Variants in PDE9A observed in about 807,000 individuals in gnomAD.
PDE9A encodes phosphodiesterase 9A.
In PDE9A, 60 loss-of-function variants were observed where a neutral mutation model predicts 87.4. That is an observed-to-expected ratio of 0.69 (90% CI 0.56 to 0.85). PDE9A has a LOEUF of 0.85. Ranked by LOEUF, PDE9A falls within the 40% of genes least tolerant of loss-of-function variation. PDE9A has a pLI of 0.00. For missense variants in PDE9A, 665 were observed against 779.0 expected (o/e 0.85, Z 1.74); for synonymous variants, 272 against 279.4 (o/e 0.97, Z 0.27).
chr21:42,747,293 G>T (rs1386636788), intron 8 of PDE9A, among the ~76,000 whole-genome samples: 1 of 151,490 alleles, frequency 6.6e-6, no homozygotes, highest in African/African-American at 2.4e-5. Context: ...GATGACTGGG[G>T]AGAGGAGCTG....
At position 42,694,101 on chromosome 21, in the gene PDE9A, C is replaced by T. The variant is rs1163045770; in HGVS notation, c.219-4867C>T. Among the ~76,000 whole-genome samples, 2 of 152,212 alleles carry T rather than the reference C, an allele frequency of 1.3e-5. No homozygotes were observed. The highest frequency in any genetic ancestry group is 1.5e-5 in the Non-Finnish European group (1 of 68,034). ...AGCTTATGTCTACCAGACCCAGGGC[C>T]TTCCCTTGCTGAAACATGCTGGGTA... On this transcript the variant is annotated intron_variant, in intron 3 of 19. Transcript: ENST00000291539. This position sits in a 1 kb window ranked among gnomAD's most constrained non-coding sequence, Gnocchi z 5.3.
chr21:42,692,101 C>G lies in PDE9A; in HGVS notation c.218+4107C>G, dbSNP rs561343270. Among the ~76,000 whole-genome samples, 16 of 152,336 alleles carry G rather than the reference C, an allele frequency of 1.1e-4. 1 individual carries two copies. The South Asian group carries it at 2.5e-3, about 24-fold the overall frequency. ...TGCTGGCCCCGCTGGACGGTCTTCT[C>G]TCATAGGAAGGAAATTTCACCTTGC... is the stretch of plus-strand genomic sequence containing the variant. On this transcript the variant is annotated intron_variant, in intron 3 of 19. Transcript: ENST00000291539. This position sits in a 1 kb window ranked among gnomAD's most constrained non-coding sequence, Gnocchi z 4.3.
chr21:42,697,772 A>G (rs1260224507), intron 3 of PDE9A, among the ~76,000 whole-genome samples: 1 of 152,130 alleles, frequency 6.6e-6, no homozygotes, highest in African/African-American at 2.4e-5. Flanking sequence ...CACCCTCAGG[A>G]ACTCCTCCAA....
rs554792889 is a variant in PDE9A at position 42,754,988 on chromosome 21, A to G, written c.810+924A>G. ...GTCGCTACAAAAAAAAGGTGTTAAA[A>G]TTCCTATTTGCTGAAAAATACAAGA... On this transcript the variant is annotated intron_variant, in intron 10 of 19. Transcript: ENST00000291539. Among the ~76,000 whole-genome samples, 5 of 152,360 alleles carry G rather than the reference A, an allele frequency of 3.3e-5. No homozygotes were observed. The South Asian group carries it at 1.0e-3, about 32-fold the overall frequency.
intron 3 of PDE9A, chr21:42,697,414 G>C (rs1315495978): frequency 2.5e-6 from 4 of 1,604,904 alleles, no homozygotes; most frequent in African/African-American, 2.7e-5. Context: ...TCTTCTTCCA[G>C]GAATGAGCTC....
intron 1 of PDE9A, among the ~76,000 whole-genome samples, chr21:42,654,915 G>A (rs1404142570): frequency 2.0e-5 from 3 of 152,150 alleles, no homozygotes. Flanking sequence ...TTCAAGGACA[G>A]GTGGTCACCC....
chr21:42,770,242 A>G (rs941929451), intron 17 of PDE9A, among the ~76,000 whole-genome samples: 5 of 149,736 alleles, frequency 3.3e-5, no homozygotes, highest in African/African-American at 1.2e-4. Context: ...CAGCATGTCC[A>G]AAACAGGCCC....
intron 4 of PDE9A, chr21:42,700,552 A>T (rs956952819): frequency 6.6e-6 from 1 of 152,168 alleles, no homozygotes; most frequent in African/African-American, 2.4e-5. Flanking sequence ...CGTGGGGCGC[A>T]TGACAGCCAG....
chr21:42,754,095 CA>C (rs747314699), intron 10 of PDE9A, 31 bp downstream of exon 10: 16 of 1,436,076 alleles, frequency 1.1e-5, no homozygotes, highest in South Asian at 1.0e-4. Context: ...CACCACGTCC[CA>C]GGGGGAGGCA....
In PDE9A at chr21:42,659,148, T is replaced by C. The variant is rs2057303607; in HGVS notation, c.69+5265T>C. On this transcript the variant is annotated intron_variant, in intron 1 of 19. Coordinates refer to ENST00000291539, the MANE Select transcript of PDE9A (RefSeq NM_002606.3). This position sits in a 1 kb window ranked among gnomAD's most constrained non-coding sequence, Gnocchi z 4.1. ...GCCCTTCCCAATTTTAGCCCAAGGGTGCCGAAAAGTCAGGGAGCTGCTGGC... is the reference window on the plus strand; with the variant it reads ...GCCCTTCCCAATTTTAGCCCAAGGGCGCCGAAAAGTCAGGGAGCTGCTGGC... Among the ~76,000 whole-genome samples, 1 of 152,082 alleles carries C rather than the reference T, an allele frequency of 6.6e-6. No homozygotes were observed. Among genetic ancestry groups the C allele is most frequent in the Non-Finnish European group, 1.5e-5 (1 of 68,002 alleles).
intron 10 of PDE9A, among the ~76,000 whole-genome samples, chr21:42,755,136 G>A (rs544565417): frequency 1.2e-4 from 19 of 152,200 alleles, no homozygotes; most frequent in Non-Finnish European, 1.8e-4. Flanking sequence ...CAAAATCTAA[G>A]GACGTTTTCC....
chr21:42,759,056 A>G lies in PDE9A; in HGVS notation c.868A>G (p.Ile290Val), dbSNP rs1401847933. ...CCTCGGGCTGGTCAGGGACTTCAGC[A>G]TCAACCCTGTCACCCTCAGGAGGTG... ...HDLGLVRDFS[I>V]NPVTLRRWLF... Residue 290 changes from isoleucine (I) to valine (V), a missense_variant, in exon 11 of 20, where the codon ATC becomes GTC. Ile to Val is a conservative substitution (Grantham distance 29). Coordinates refer to ENST00000291539, the MANE Select transcript of PDE9A (RefSeq NM_002606.3). This position sits in a 1 kb window ranked among gnomAD's most constrained non-coding sequence, Gnocchi z 7.2. The G allele has an allele frequency of 1.2e-6, 2 of 1,614,024 alleles. No homozygotes were observed. Among genetic ancestry groups the G allele is most frequent in the East Asian group, 4.5e-5 (2 of 44,886 alleles).
intron 4 of PDE9A, among the ~76,000 whole-genome samples, chr21:42,708,025 C>T (rs540182029): frequency 1.8e-4 from 28 of 152,312 alleles, no homozygotes; most frequent in Non-Finnish European, 7.3e-5. Context: ...TGTGTCTGCC[C>T]TGGAAGCCAA....
rs200840590 is a variant in PDE9A, at chr21:42,769,035, T to C, written c.1470T>C (p.Arg490=). 1.2e-4 allele frequency: 196 copies of C among 1,612,442 alleles called. 1 individual carries two copies. The East Asian group carries it at 2.3e-3, about 19-fold the overall frequency. The change falls in exon 17 of 20, where the codon CGT becomes CGC. Residue 490 remains arginine, a synonymous_variant. Transcript: ENST00000291539. The part of the protein sequence containing the change: ...LLEEYFMQSD[R]EKSEGLPVAP... ...TGCTGCATTCCCTGCAGAGCGACCG[T>C]GAGAAGTCAGAAGGCCTTCCTGTGG...
At chr21:42,737,915 T>C (rs2052637971) in intron 7 of PDE9A, among the ~76,000 whole-genome samples, 1 of 152,250 alleles carries the variant, frequency 6.6e-6, no homozygotes, top group Non-Finnish European at 1.5e-5. Flanking sequence ...TCATTTCTCC[T>C]CATTGACTTT....
At chr21:42,743,674 A>T in intron 7 of PDE9A, 102 bp from the exon 8 acceptor site, 1 of 735,418 alleles carries the variant, frequency 1.4e-6, no homozygotes, top group Non-Finnish European at 2.4e-6. Context: ...ACTGAGGTAT[A>T]TTCCTCCCTG....
At chr21:42,773,588 C>T (rs557282396) in intron 19 of PDE9A, among the ~76,000 whole-genome samples, 15 of 151,362 alleles carry the variant, frequency 9.9e-5, no homozygotes, top group Non-Finnish European at 1.8e-4. Flanking sequence ...CGGCGGATCA[C>T]GAGGAGATCG....
At chr21:42,732,384 T>G (rs1268282378) in intron 6 of PDE9A, among the ~76,000 whole-genome samples, 1 of 152,246 alleles carries the variant, frequency 6.6e-6, no homozygotes, top group African/African-American at 2.4e-5. Flanking sequence ...AGGTCGAGAA[T>G]GTTCTCCACC....
intron 1 of PDE9A, among the ~76,000 whole-genome samples, chr21:42,668,613 G>C (rs2058173323): frequency 6.6e-6 from 1 of 152,232 alleles, no homozygotes; most frequent in South Asian, 2.1e-4. Flanking sequence ...TAACAGTGGA[G>C]ATTGGCCTCA....
Sources: allele counts gnomAD v4.1 joint callset (sites outside exome capture counted in the v4.1 genomes callset), GRCh38; gene constraint gnomAD v4.1.1; non-coding constraint Gnocchi (gnomAD v3.1); transcripts MANE v1.5; gene names NCBI Gene and HGNC (gene_info 2026-07-23, HGNC 2026-07-21).